PUS10: variants seen among roughly 807,000 people sequenced by gnomAD.
The protein encoded by PUS10 is tRNA pseudouridine synthase Pus10.
Under a neutral mutation model 75.0 loss-of-function variants are expected in PUS10, and 59 were observed. The observed-to-expected ratio is 0.79, with a 90% CI of 0.64 to 0.98. The LOEUF is 0.98. Among genes scored for constraint, PUS10 ranks in the 50% least tolerant of loss-of-function variants. The probability of loss-of-function intolerance (pLI) is 0.00; values close to 1 mark genes in which losing one functional copy is unlikely to be tolerated. For missense variants in PUS10, 650 were observed against 614.4 expected (o/e 1.06, Z -0.61); for synonymous variants, 219 against 211.6 (o/e 1.03, Z -0.30).
At chr2:60,961,941 C>G (rs944277795) in intron 9 of PUS10, among the ~76,000 whole-genome samples, 8 of 152,326 alleles carry the variant, frequency 5.3e-5, no homozygotes, top group Non-Finnish European at 1.0e-4. Context: ...ACTCTACCCC[C>G]CTTATCACAT....
intron 16 of PUS10, among the ~76,000 whole-genome samples, chr2:60,947,762 G>C (rs1346904047): frequency 6.7e-6 from 1 of 148,962 alleles, no homozygotes; most frequent in East Asian, 2.0e-4. Context: ...CCAGGAGGCG[G>C]AGCTTGCAGT....
chr2:60,940,541 C>T lies in PUS10; in HGVS notation c.*1854G>A, dbSNP rs535868138. ...AATCTTTGTCTCAAAATTCTAGGAA[C>T]ATTTGGAAGAAGTATTTAAAGCTAA... On this transcript the variant is annotated 3_prime_UTR_variant, in exon 18 of 18. Coordinates refer to ENST00000316752, the MANE Select transcript of PUS10 (RefSeq NM_144709.4). The T allele has an allele frequency of 3.9e-5, 6 of 152,412 alleles. No homozygotes were observed. Among genetic ancestry groups the T allele is most frequent in the Non-Finnish European group, 7.4e-5 (5 of 68,004 alleles). 9.4% of individuals were successfully genotyped at this position (152,412 alleles called of 1,614,324 possible).
intron 5 of PUS10, 51 bp downstream of exon 5, chr2:60,971,472 A>T (rs760517439): frequency 2.0e-6 from 3 of 1,497,906 alleles, no homozygotes; most frequent in Non-Finnish European, 2.8e-6. Context: ...TTTAAGAACC[A>T]GGTAGCTTGT....
chr2:60,997,283 A>G (rs1353882481), intron 4 of PUS10, among the ~76,000 whole-genome samples: 1 of 152,184 alleles, frequency 6.6e-6, no homozygotes, highest in Non-Finnish European at 1.5e-5. Flanking sequence ...TAGTCCCTAA[A>G]AGAACTAAGA....
chr2:60,963,003 A>G, intron 8 of PUS10, 113 bp from the exon 9 acceptor site: 2 of 1,406,592 alleles, frequency 1.4e-6, no homozygotes, highest in Non-Finnish European at 1.8e-6. Flanking sequence ...ATATCATTTC[A>G]TATACTTAAC....
chr2:60,972,736 T>C (rs184900454), intron 4 of PUS10, among the ~76,000 whole-genome samples: 6 of 152,354 alleles, frequency 3.9e-5, no homozygotes, highest in African/African-American at 9.6e-5. Flanking sequence ...GCTTAATTTA[T>C]GGATATGCTG....
In PUS10 at chr2:60,953,949, A is replaced by G. The variant is rs202185429; in HGVS notation, c.1174T>C (p.Leu392=). The G allele has an allele frequency of 6.2e-7, 1 of 1,614,050 alleles. No individual in the cohort carries two copies. Among genetic ancestry groups the G allele is most frequent in the East Asian group, 2.2e-5 (1 of 44,886 alleles). Residue 392 remains leucine, a synonymous_variant, in exon 14 of 18, where the codon TTG becomes CTG. Transcript: ENST00000316752. ...NSSNKIQVRD[L]QLVTREAIGH... is the part of the protein sequence containing the mutation. ...TACTCTTACCTTGTGACAAGCTGCA[A>G]GTCACGTACTTGGATTTTGTTAGAT...
intron 1 of PUS10, among the ~76,000 whole-genome samples, chr2:61,015,213 G>T (rs1396652485): frequency 1.3e-5 from 2 of 152,150 alleles, no homozygotes; most frequent in African/African-American, 4.8e-5. Flanking sequence ...AAATAATGAA[G>T]ATCTGGCCAG....
At chr2:61,010,966 AATG>A in intron 2 of PUS10, 1 of 1,483,960 alleles carries the variant, frequency 6.7e-7, no homozygotes, top group Non-Finnish European at 9.1e-7. Context: ...GACATATAGT[AATG>A]ATAATTGAAT....
At chr2:60,995,698 T>C (rs1281624334) in intron 4 of PUS10, among the ~76,000 whole-genome samples, 3 of 152,218 alleles carry the variant, frequency 2.0e-5, no homozygotes, top group African/African-American at 7.2e-5. Flanking sequence ...GGGAAATCAT[T>C]TTAAAGAAAA....
chr2:60,946,843 A>T (rs1674973377), intron 16 of PUS10, among the ~76,000 whole-genome samples: 1 of 149,968 alleles, frequency 6.7e-6, no homozygotes, highest in South Asian at 2.1e-4. Flanking sequence ...GTGTGTGTGT[A>T]ATATATATAT....
intron 17 of PUS10, 118 bp from the exon 18 acceptor site, chr2:60,942,551 A>G: frequency 1.3e-6 from 1 of 784,736 alleles, no homozygotes; most frequent in Non-Finnish European, 2.2e-6. Context: ...CTGCATTTGA[A>G]GAAAAGAGCT....
chr2:60,962,561 T>C (rs1000082325), intron 9 of PUS10, among the ~76,000 whole-genome samples: 2 of 151,518 alleles, frequency 1.3e-5, no homozygotes, highest in Non-Finnish European at 2.9e-5. Flanking sequence ...GCAACAAAAG[T>C]GAAACTCTGT....
intron 4 of PUS10, among the ~76,000 whole-genome samples, chr2:61,004,628 CAAAAAAAAA>C (rs70959883): frequency 8.9e-5 from 6 of 67,284 alleles, no homozygotes; most frequent in Non-Finnish European, 1.7e-4. Context: ...GACTCCGTCT[CAAAAAAAAA>C]AAAAAAAAAA....
At chr2:61,007,643 C>T (rs1172833293) in intron 3 of PUS10, among the ~76,000 whole-genome samples, 1 of 151,046 alleles carries the variant, frequency 6.6e-6, no homozygotes, top group Non-Finnish European at 1.5e-5. Context: ...GTGGCACGTG[C>T]CTGTAATCCC....
At chr2:60,959,994 C>A (rs1167414685) in intron 11 of PUS10, among the ~76,000 whole-genome samples, 1 of 151,054 alleles carries the variant, frequency 6.6e-6, no homozygotes, top group Non-Finnish European at 1.5e-5. Flanking sequence ...GCCTGGGCAA[C>A]ATAGTGAGAC....
intron 4 of PUS10, among the ~76,000 whole-genome samples, chr2:60,998,571 C>A (rs962912532): frequency 6.6e-6 from 1 of 152,162 alleles, no homozygotes; most frequent in South Asian, 2.1e-4. Context: ...CACCTGTAGT[C>A]CCAGCTACTC....
At chr2:60,965,708 C>T (rs1676300937) in intron 6 of PUS10, 1 of 339,846 alleles carries the variant, frequency 2.9e-6, no homozygotes, top group Admixed American at 4.7e-5. Flanking sequence ...GTGATCCTAC[C>T]AAAAAAGTTT....
At chr2:61,006,501 T>G in intron 4 of PUS10, 56 bp downstream of exon 4, 120 of 1,261,530 alleles carry the variant, frequency 9.5e-5, no homozygotes, top group Non-Finnish European at 1.2e-4. Flanking sequence ...TCCCATTTTT[T>G]GAGAAATTCC....
Sources: allele counts gnomAD v4.1 joint callset (sites outside exome capture counted in the v4.1 genomes callset), GRCh38; gene constraint gnomAD v4.1.1; transcripts MANE v1.5; gene names NCBI Gene and HGNC (gene_info 2026-07-23, HGNC 2026-07-21).